Variants in ATP8B4 observed in about 807,000 individuals in gnomAD.
ATP8B4 encodes the protein probable phospholipid-transporting ATPase IM.
In ATP8B4, 133 loss-of-function variants were observed where a neutral mutation model predicts 145.6. The observed-to-expected ratio is 0.91, with a 90% CI of 0.79 to 1.05. The LOEUF is 1.05. Among genes scored for constraint, ATP8B4 ranks in the 50% least tolerant of loss-of-function variants. The pLI is 0.00. For synonymous variants in ATP8B4, 507 were observed against 492.9 expected, an observed-to-expected ratio of 1.03 and a Z score of -0.38; for missense variants, 1,458 against 1,425.2, an observed-to-expected ratio of 1.02 and a Z score of -0.37.
At chr15:49,940,168 G>A (rs951252153) in intron 14 of ATP8B4, among the ~76,000 whole-genome samples, 3 of 152,078 alleles carry the variant, frequency 2.0e-5, no homozygotes, top group Non-Finnish European at 2.9e-5. Context: ...ACAATGGACT[G>A]GATAAAGAAA....
At chr15:50,167,698 G>A (rs1456294595) in intron 1 of ATP8B4, among the ~76,000 whole-genome samples, 2 of 152,100 alleles carry the variant, frequency 1.3e-5, no homozygotes. Flanking sequence ...CAGAAAATTT[G>A]GGTTATAGTC....
intron 15 of ATP8B4, 140 bp downstream of exon 15, chr15:49,933,877 G>A: frequency 1.2e-6 from 1 of 856,496 alleles, no homozygotes; most frequent in Non-Finnish European, 1.6e-6. Context: ...TTTAACATCA[G>A]TTTCTGTGTT....
At chr15:49,977,875 G>A (rs932307956) in intron 12 of ATP8B4, among the ~76,000 whole-genome samples, 22 of 152,060 alleles carry the variant, frequency 1.4e-4, no homozygotes, top group Admixed American at 2.6e-4. Context: ...ATTTTATGGG[G>A]AAGTACATAT....
At chr15:49,901,756 A>AT in intron 20 of ATP8B4, 1 of 407,526 alleles carries the variant, frequency 2.5e-6, no homozygotes, top group Admixed American at 3.3e-5. Context: ...TTTAAAAAAA[A>AT]TTTAACAAGA....
chr15:49,874,302 G>C (rs751053892), intron 25 of ATP8B4, among the ~76,000 whole-genome samples: 1 of 152,184 alleles, frequency 6.6e-6, no homozygotes, highest in Non-Finnish European at 1.5e-5. Flanking sequence ...AGTTTAAATG[G>C]ATCCAGGGAG....
intron 10 of ATP8B4, among the ~76,000 whole-genome samples, chr15:49,982,835 C>T (rs565290340): frequency 1.1e-4 from 17 of 152,178 alleles, no homozygotes; most frequent in Non-Finnish European, 1.8e-4. Context: ...CCAATCACAA[C>T]GCCAAAACAG....
intron 7 of ATP8B4, among the ~76,000 whole-genome samples, chr15:50,003,979 G>A (rs959270630): frequency 2.6e-5 from 4 of 152,106 alleles, no homozygotes; most frequent in Admixed American, 6.6e-5. Flanking sequence ...CATAGGTTCC[G>A]GGCTAACTGT....
intron 6 of ATP8B4, among the ~76,000 whole-genome samples, chr15:50,015,120 T>C (rs2048992245): frequency 6.6e-6 from 1 of 152,210 alleles, no homozygotes; most frequent in Non-Finnish European, 1.5e-5. Context: ...TGAAATATGC[T>C]GTAAGTTACA....
At chr15:49,960,189 G>C (rs1198304737) in intron 14 of ATP8B4, among the ~76,000 whole-genome samples, 2 of 152,046 alleles carry the variant, frequency 1.3e-5, no homozygotes, top group Non-Finnish European at 2.9e-5. Context: ...ACCACGCTTG[G>C]CTAATTTTTA....
chr15:50,129,487 C>A (rs991629022), intron 1 of ATP8B4, among the ~76,000 whole-genome samples: 1 of 152,164 alleles, frequency 6.6e-6, no homozygotes, highest in Non-Finnish European at 1.5e-5. Context: ...ACATGGCATG[C>A]CCTTTGTGCG....
intron 6 of ATP8B4, among the ~76,000 whole-genome samples, chr15:50,021,346 T>G (rs879826191): frequency 1.3e-5 from 2 of 152,214 alleles, no homozygotes; most frequent in Non-Finnish European, 1.5e-5. Flanking sequence ...ATAATTTTCC[T>G]GCTGAAAACC....
Position 49,920,341 on chromosome 15 carries a change from CTT to C in ATP8B4, c.1826_1827del (p.Lys609ArgfsTer4), listed in dbSNP as rs2040143726. 1.9e-6 allele frequency: 3 copies of C among 1,614,112 alleles called. No homozygotes were observed. The African/African-American group carries it at 4.0e-5, about 22-fold the overall frequency. ...GCATCTTCAAGCATCTTATGCCACT[CTT>C]TAAAGTACTTGTCATCCAGGTCTCT... ...AYRDLDDKYF[K>X]EWHKMLEDAN... On this transcript the variant is annotated frameshift_variant, in exon 18 of 28. Coordinates refer to ENST00000284509, the MANE Select transcript of ATP8B4 (RefSeq NM_024837.4). LOFTEE classifies it high-confidence loss of function.
chr15:49,885,845 A>G (rs188627255), intron 23 of ATP8B4: 18 of 152,078 alleles, frequency 1.2e-4, no homozygotes, highest in African/African-American at 4.4e-4. Context: ...GCTATTCTTC[A>G]CTTCTGGAAC....
chr15:50,092,082 T>TA (rs2055647030), intron 2 of ATP8B4, among the ~76,000 whole-genome samples: 1 of 152,102 alleles, frequency 6.6e-6, no homozygotes. Context: ...AGACAATAAT[T>TA]AGAGTTCAGA....
rs559476232 is a variant in ATP8B4 at position 49,859,536 on chromosome 15, A to T, written c.*658T>A. On this transcript the variant is annotated 3_prime_UTR_variant, in exon 28 of 28. Coordinates refer to ENST00000284509, the MANE Select transcript of ATP8B4 (RefSeq NM_024837.4). ...GAGCTTTTTGAATAAATTTGATCAA[A>T]TTACCAGCCTATCCTGCTGCAAAGA... 2.6e-5 allele frequency: 4 copies of T among 152,334 alleles called. No individual in the cohort carries two copies. The East Asian group carries it at 7.7e-4, about 29-fold the overall frequency. The allele number at this position is 152,334 out of a possible 1,614,324, so 9.4% of individuals were successfully genotyped here. A position where few individuals can be genotyped will look rare whatever the true frequency, so the allele number is the denominator to read the frequency against.
intron 2 of ATP8B4, among the ~76,000 whole-genome samples, chr15:50,084,770 T>C (rs748293958): frequency 1.3e-5 from 2 of 152,144 alleles, no homozygotes; most frequent in Non-Finnish European, 2.9e-5. Context: ...CCCACGTCCC[T>C]TGGCTCATGG....
intron 1 of ATP8B4, among the ~76,000 whole-genome samples, chr15:50,176,635 G>A (rs138345412): frequency 6.6e-6 from 1 of 152,154 alleles, no homozygotes; most frequent in Admixed American, 6.5e-5. Flanking sequence ...GATATTGAAA[G>A]AAGAGAGAGA....
At chr15:50,156,753 T>C (rs1395529511) in intron 1 of ATP8B4, among the ~76,000 whole-genome samples, 1 of 152,216 alleles carries the variant, frequency 6.6e-6, no homozygotes, top group Non-Finnish European at 1.5e-5. Context: ...AGCTGGCCAG[T>C]GTCTCAGAAA....
chr15:50,086,732 GAT>G lies in ATP8B4; in HGVS notation c.29-12549_29-12548del. Among the ~76,000 whole-genome samples, 4 of 59,814 alleles carry G rather than the reference GAT, an allele frequency of 6.7e-5. 1 individual carries two copies. The highest frequency in any genetic ancestry group is 4.1e-4 in the African/African-American group (3 of 7,242). The allele number at this position is 59,814 out of a possible 152,430, so 39.2% of individuals were successfully genotyped here. On this transcript the variant is annotated intron_variant, in intron 2 of 27. Coordinates refer to ENST00000284509, the MANE Select transcript of ATP8B4 (RefSeq NM_024837.4). ...ATTATATATAATAAAATAATATAGAGATCTATATTTATTATATATAAAATAAT... is the reference window on the plus strand; with the variant it reads ...ATTATATATAATAAAATAATATAGAGCTATATTTATTATATATAAAATAAT...
Sources: allele counts gnomAD v4.1 joint callset (sites outside exome capture counted in the v4.1 genomes callset), GRCh38; gene constraint gnomAD v4.1.1; transcripts MANE v1.5; gene names NCBI Gene and HGNC (gene_info 2026-07-23, HGNC 2026-07-21).